The following COLEC12 variants were observed in gnomAD, a reference collection of about 807,000 sequenced individuals.
COLEC12 encodes the protein collectin subfamily member 12.
In COLEC12, 33 loss-of-function variants were observed where a neutral mutation model predicts 71.1. The observed-to-expected ratio is 0.46, with a 90% CI of 0.35 to 0.62. COLEC12 has a LOEUF of 0.62. Among genes scored for constraint, COLEC12 ranks in the 20% least tolerant of loss-of-function variants. The pLI, the probability that COLEC12 is intolerant of heterozygous loss-of-function variation, is 0.00. For synonymous variants in COLEC12, 350 were observed against 353.0 expected (o/e 0.99, Z 0.10); for missense variants, 765 against 916.1 (o/e 0.84, Z 2.13).
chr18:332,867 C>T, intron 7 of COLEC12, 140 bp downstream of exon 7: 1 of 711,186 alleles, frequency 1.4e-6, no homozygotes, highest in Non-Finnish European at 2.3e-6. Flanking sequence ...GGATGAAACC[C>T]AAATCTCTGT....
rs575801661 is a variant in COLEC12, at chr18:460,809, G to C, written c.58+19898C>G. 8.2e-4 allele frequency among the ~76,000 whole-genome samples: 125 copies of C among 151,752 alleles called. No homozygotes were observed. The Middle Eastern group carries it at 0.017, about 21-fold the overall frequency. On this transcript the variant is annotated intron_variant, in intron 2 of 9. Coordinates refer to ENST00000400256, the MANE Select transcript of COLEC12 (RefSeq NM_130386.3). ...GCAGTGTCTACCGGTCACTCTCCTGGGTTATACAACATAGATGGGCATTAT... is the reference window on the plus strand; with the variant it reads ...GCAGTGTCTACCGGTCACTCTCCTGCGTTATACAACATAGATGGGCATTAT...
intron 2 of COLEC12, among the ~76,000 whole-genome samples, chr18:371,947 A>C (rs1223270089): frequency 2.0e-5 from 3 of 152,222 alleles, no homozygotes; most frequent in African/African-American, 4.8e-5. Flanking sequence ...GAATCGATCA[A>C]GTACGTGAGT....
At chr18:371,363 C>A (rs1472651177) in intron 2 of COLEC12, among the ~76,000 whole-genome samples, 2 of 152,166 alleles carry the variant, frequency 1.3e-5, no homozygotes, top group East Asian at 3.9e-4. Context: ...AGAAGTCAAT[C>A]TTCTTGACTT....
At chr18:368,631 A>G (rs182116057) in intron 2 of COLEC12, among the ~76,000 whole-genome samples, 2,484 of 151,988 alleles carry the variant, frequency 0.016, 54 homozygotes, top group Admixed American at 0.05. Context: ...TTGGGAGGCC[A>G]AGGTGGGCGG....
intron 1 of COLEC12, among the ~76,000 whole-genome samples, chr18:481,574 C>G (rs1189420449): frequency 1.3e-5 from 2 of 152,036 alleles, no homozygotes; most frequent in African/African-American, 4.8e-5. Context: ...TGTGGTGGCA[C>G]GTGCCTGTAA....
Position 322,000 on chromosome 18 carries a change from C to T in COLEC12, c.2064-193G>A, listed in dbSNP as rs111808028. ...CTGTTTTGCAGAGTAATGCATAATG[C>T]GGCATCTCCCTGCGCGCTTGTGATC... is the stretch of plus-strand genomic sequence containing the variant. On this transcript the variant is annotated intron_variant, in intron 8 of 9. Transcript: ENST00000400256. Among the ~76,000 whole-genome samples the T allele has an allele frequency of 7.7e-3, 1,176 of 152,282 alleles. 7 individuals are homozygous for T. Among genetic ancestry groups the T allele is most frequent in the African/African-American group, 0.026 (1,083 of 41,554 alleles).
intron 2 of COLEC12, among the ~76,000 whole-genome samples, chr18:432,475 A>T (rs1598361368): frequency 6.6e-6 from 1 of 152,182 alleles, no homozygotes; most frequent in Non-Finnish European, 1.5e-5. Flanking sequence ...ACAAAAACTA[A>T]GGGGGTAAGA....
chr18:462,174 C>T (rs189821345), intron 2 of COLEC12, among the ~76,000 whole-genome samples: 29 of 152,296 alleles, frequency 1.9e-4, no homozygotes, highest in African/African-American at 7.0e-4. Context: ...TGTGCCTCAG[C>T]AATTCCGCTC....
At chr18:357,734 T>G (rs1330058481) in intron 2 of COLEC12, among the ~76,000 whole-genome samples, 5 of 152,224 alleles carry the variant, frequency 3.3e-5, no homozygotes, top group African/African-American at 1.2e-4. Context: ...TTAATATGAC[T>G]TAAAAATAGC....
chr18:470,220 ATTTTTTTTTTTT>A (rs71174234), intron 2 of COLEC12, among the ~76,000 whole-genome samples: 1 of 92,354 alleles, frequency 1.1e-5, no homozygotes, highest in Admixed American at 1.6e-4. Context: ...AGGCCAGGAA[ATTTTTTTTTTTT>A]TTTTTTTTTT....
chr18:476,480 C>T (rs988462291), intron 2 of COLEC12, among the ~76,000 whole-genome samples: 1 of 152,226 alleles, frequency 6.6e-6, no homozygotes, highest in African/African-American at 2.4e-5. Context: ...TCTTGCTTCT[C>T]CATCATCCTA....
At chr18:445,151 C>T (rs543231336) in intron 2 of COLEC12, among the ~76,000 whole-genome samples, 10 of 152,246 alleles carry the variant, frequency 6.6e-5, no homozygotes, top group South Asian at 6.2e-4. Flanking sequence ...AATTTTCATA[C>T]GGAGAACTGA....
intron 3 of COLEC12, among the ~76,000 whole-genome samples, chr18:349,249 A>G (rs897138573): frequency 5.3e-5 from 8 of 151,902 alleles, no homozygotes; most frequent in Non-Finnish European, 1.2e-4. Flanking sequence ...CTTCCCAGCC[A>G]CTCCAGCCAT....
intron 5 of COLEC12, among the ~76,000 whole-genome samples, chr18:342,865 A>G (rs2143461524): frequency 6.6e-6 from 1 of 152,336 alleles, no homozygotes; most frequent in East Asian, 1.9e-4. Flanking sequence ...TGATTTCAGA[A>G]TTGAGATTTT....
At chr18:365,269 A>C (rs1356013885) in intron 2 of COLEC12, among the ~76,000 whole-genome samples, 2 of 152,204 alleles carry the variant, frequency 1.3e-5, no homozygotes, top group Admixed American at 6.5e-5. Context: ...GCCCTAAATA[A>C]ATGCTCATTC....
intron 1 of COLEC12, among the ~76,000 whole-genome samples, chr18:497,403 T>TGTGTGC (rs1917733862): frequency 6.6e-6 from 1 of 151,864 alleles, no homozygotes. Flanking sequence ...TGTGTGTGTG[T>TGTGTGC]GTGTGTGTGT....
intron 1 of COLEC12, among the ~76,000 whole-genome samples, chr18:489,564 A>G (rs900142932): frequency 6.6e-6 from 1 of 152,228 alleles, no homozygotes; most frequent in Non-Finnish European, 1.5e-5. Context: ...TTGAACACAC[A>G]GAGGAGAGAT....
chr18:424,881 G>A (rs1916168073), intron 2 of COLEC12, among the ~76,000 whole-genome samples: 1 of 152,210 alleles, frequency 6.6e-6, no homozygotes, highest in African/African-American at 2.4e-5. Context: ...ACAACCAGGA[G>A]GTAGAGGAGT....
chr18:462,672 T>C (rs993238532), intron 2 of COLEC12, among the ~76,000 whole-genome samples: 6 of 152,208 alleles, frequency 3.9e-5, no homozygotes, highest in Non-Finnish European at 5.9e-5. Context: ...AATTTTATGA[T>C]ACATAAATTA....
Sources: gnomAD v4.1 joint callset for allele counts (sites outside exome capture counted in the v4.1 genomes callset) on GRCh38, gnomAD v4.1.1 for gene constraint, MANE v1.5 for transcripts, NCBI Gene and HGNC (gene_info 2026-07-23, HGNC 2026-07-21) for gene names.